PCDHA1: variants seen among roughly 807,000 people sequenced by gnomAD.
PCDHA1 encodes the protein protocadherin alpha 1.
In PCDHA1, 42 loss-of-function variants were observed where a neutral mutation model predicts 61.3. That is an observed-to-expected ratio of 0.69 (90% CI 0.54 to 0.89). PCDHA1 has a LOEUF of 0.89. PCDHA1 is among the 40% of genes least tolerant of loss of function. The pLI is 0.00. For synonymous variants in PCDHA1, 610 were observed against 553.8 expected (o/e 1.10, Z -1.43); for missense variants, 1,256 against 1,235.3 (o/e 1.02, Z -0.25).
Position 140,803,100 on chromosome 5 carries a change from C to G in PCDHA1, c.2394+14416C>G, listed in dbSNP as rs139788338. On this transcript the variant is annotated intron_variant, in intron 1 of 3. Transcript: ENST00000504120. ...GTACACGGGAGAGATCAGCACGACC[C>G]GTGCCCTGGACGAGGTGGACGCCCC... 714 of 1,613,874 alleles carry G rather than the reference C, an allele frequency of 4.4e-4. No homozygotes were observed. Among genetic ancestry groups the G allele is most frequent in the Non-Finnish European group, 5.8e-4 (686 of 1,179,944 alleles).
intron 1 of PCDHA1, chr5:140,883,418 C>G: frequency 6.2e-7 from 1 of 1,614,172 alleles, no homozygotes; most frequent in Non-Finnish European, 8.5e-7. Context: ...CTCAAATGGA[C>G]AGGTCACCTG....
At chr5:140,870,178 C>A (rs2051730547) in intron 1 of PCDHA1, 6 of 1,614,096 alleles carry the variant, frequency 3.7e-6, no homozygotes, top group Non-Finnish European at 5.1e-6. Flanking sequence ...CCTCCCAGTA[C>A]GAGAGGACGC....
At position 140,856,759 on chromosome 5, in the gene PCDHA1, C is replaced by A. The variant is rs148775418; in HGVS notation, c.2394+68075C>A. The stretch of plus-strand genomic sequence containing the variant: ...TCCTGGTGTTAGATGCCAATGATAA[C>A]GCCCCTATCTTTGACAGACCGGTTT... On this transcript the variant is annotated intron_variant, in intron 1 of 3. Transcript: ENST00000504120. 2.5e-6 allele frequency: 4 copies of A among 1,596,386 alleles called. 1 individual carries two copies. The highest frequency in any genetic ancestry group is 1.7e-4 in the Middle Eastern group (1 of 5,998).
At chr5:140,879,844 C>A (rs1333807567) in intron 1 of PCDHA1, among the ~76,000 whole-genome samples, 1 of 152,194 alleles carries the variant, frequency 6.6e-6, no homozygotes, top group East Asian at 1.9e-4. Context: ...CTGTACCACT[C>A]CCATCTCAGC....
chr5:140,843,572 T>C, intron 1 of PCDHA1: 2 of 1,595,854 alleles, frequency 1.3e-6, no homozygotes, highest in Non-Finnish European at 1.7e-6. Context: ...CTGGTCATAC[T>C]CGCAACAACA....
chr5:140,920,692 A>G (rs552577858), intron 1 of PCDHA1, among the ~76,000 whole-genome samples: 2 of 152,232 alleles, frequency 1.3e-5, no homozygotes, highest in Non-Finnish European at 2.9e-5. Flanking sequence ...AAAAATACAA[A>G]CATTAGCTTG....
In PCDHA1 at chr5:140,883,888, T is replaced by G. The variant is rs781919107; in HGVS notation, c.2395-95061T>G. ...AGTTCCAGGTGAGCGCGCGCGACTC[T>G]GGCGTGCCGCCTCTGGGCAGCAACG... On this transcript the variant is annotated intron_variant, in intron 1 of 3. Transcript: ENST00000504120. 33 of 1,612,942 alleles carry G rather than the reference T, an allele frequency of 2.0e-5. No individual in the cohort carries two copies. In the African/African-American group the frequency reaches 2.1e-4, roughly 10 times the overall value.
At chr5:140,934,502 A>G (rs1311901724) in intron 1 of PCDHA1, among the ~76,000 whole-genome samples, 2 of 152,144 alleles carry the variant, frequency 1.3e-5, no homozygotes, top group Non-Finnish European at 2.9e-5. Flanking sequence ...TAAACACCCA[A>G]AGGGTCCATA....
chr5:140,859,671 C>T (rs2045960419), intron 1 of PCDHA1: 1 of 153,888 alleles, frequency 6.5e-6, no homozygotes, highest in Non-Finnish European at 1.4e-5. Context: ...CAAATAGCTT[C>T]AAATAAAATT....
chr5:140,870,106 G>A, intron 1 of PCDHA1: 3 of 1,613,922 alleles, frequency 1.9e-6, no homozygotes, highest in Non-Finnish European at 2.5e-6. Context: ...TCACTGTACA[G>A]TCTGGGTGGA....
In PCDHA1 at chr5:140,803,141, G is replaced by T. The variant is rs782312882; in HGVS notation, c.2394+14457G>T. 2.5e-6 allele frequency: 4 copies of T among 1,613,754 alleles called. No homozygotes were observed. In the African/African-American group the frequency reaches 5.3e-5, roughly 22 times the overall value. On this transcript the variant is annotated intron_variant, in intron 1 of 3. Transcript: ENST00000504120. ...TGGACGCCCCGCGCCATCGCCTACT[G>T]GTGCTGGTGAAGGACCACGGTGAAC... is the stretch of plus-strand genomic sequence containing the variant.
intron 1 of PCDHA1, chr5:140,821,759 AT>A (rs2150110485): frequency 6.3e-7 from 1 of 1,588,004 alleles, no homozygotes; most frequent in Non-Finnish European, 8.6e-7. Flanking sequence ...AAAGCTCATA[AT>A]TGGAACGAGA....
intron 1 of PCDHA1, chr5:140,842,137 A>C (rs2150330187): frequency 1.2e-6 from 2 of 1,613,874 alleles, no homozygotes; most frequent in South Asian, 2.2e-5. Flanking sequence ...CGGATGAAGG[A>C]GCCAATGGGG....
At chr5:140,813,459 G>C (rs1173620168) in intron 1 of PCDHA1, 4 of 152,178 alleles carry the variant, frequency 2.6e-5, no homozygotes, top group Non-Finnish European at 4.4e-5. Flanking sequence ...ACAATGGTAA[G>C]TATTTGTATA....
chr5:140,950,874 G>C (rs1237864508), intron 1 of PCDHA1, among the ~76,000 whole-genome samples: 20 of 151,700 alleles, frequency 1.3e-4, no homozygotes, highest in African/African-American at 4.8e-4. Flanking sequence ...ATTCTATATT[G>C]TTCAATAGGT....
chr5:140,823,672 A>T, intron 1 of PCDHA1: 15 of 1,614,048 alleles, frequency 9.3e-6, no homozygotes, highest in Non-Finnish European at 1.3e-5. Flanking sequence ...GATCAGCACA[A>T]CACGCTCTCT....
intron 1 of PCDHA1, among the ~76,000 whole-genome samples, chr5:140,915,401 A>G (rs536178543): frequency 1.3e-5 from 2 of 152,300 alleles, no homozygotes; most frequent in African/African-American, 4.8e-5. Flanking sequence ...TATTTCTTAT[A>G]GTCTTTGCAG....
At chr5:140,870,826 G>T (rs781804523) in intron 1 of PCDHA1, 16 of 1,613,638 alleles carry the variant, frequency 9.9e-6, no homozygotes, top group Non-Finnish European at 1.3e-5. Context: ...CGCGGGAGGC[G>T]CAGTTAACAA....
At chr5:140,884,381 T>C in intron 1 of PCDHA1, 2 of 1,613,986 alleles carry the variant, frequency 1.2e-6, no homozygotes, top group Non-Finnish European at 1.7e-6. Flanking sequence ...CATTGCCATC[T>C]GCGCGGTGTC....
Sources: allele counts gnomAD v4.1 joint callset (sites outside exome capture counted in the v4.1 genomes callset), GRCh38; gene constraint gnomAD v4.1.1; transcripts MANE v1.5; gene names NCBI Gene and HGNC (gene_info 2026-07-23, HGNC 2026-07-21).